IL1RAPL1: variants seen among roughly 807,000 people sequenced by gnomAD.
IL1RAPL1 encodes the protein interleukin 1 receptor accessory protein like 1.
A neutral mutation model predicts 48.4 loss-of-function variants in IL1RAPL1; 3 were observed. That is an observed-to-expected ratio of 0.06 (90% CI 0.03 to 0.16). IL1RAPL1 has a LOEUF of 0.16. IL1RAPL1 is among the 10% of genes least tolerant of loss of function. The pLI is 1.00. For synonymous variants in IL1RAPL1, 185 were observed against 187.7 expected (o/e 0.99, Z 0.12); for missense variants, 349 against 530.6 (o/e 0.66, Z 3.36).
chrX:29,118,749 A>G (rs894329448), intron 2 of IL1RAPL1, among the ~76,000 whole-genome samples: 2 of 111,521 alleles, frequency 1.8e-5, no homozygotes, highest in Non-Finnish European at 3.8e-5. Flanking sequence ...TAGTGGCATT[A>G]TTTGAGAGGT....
At chrX:28,827,511 A>T (rs867845996) in intron 2 of IL1RAPL1, among the ~76,000 whole-genome samples, 13 of 111,698 alleles carry the variant, frequency 1.2e-4, no homozygotes, top group Middle Eastern at 4.7e-3. Flanking sequence ...TTATTTTTTA[A>T]TTCATAAAAA....
intron 3 of IL1RAPL1, among the ~76,000 whole-genome samples, chrX:29,290,516 G>T (rs750598801): frequency 8.9e-6 from 1 of 112,454 alleles, no homozygotes; most frequent in African/African-American, 3.2e-5. Flanking sequence ...TCCAGTTTAT[G>T]TTTACTTTCT....
chrX:29,233,493 G>A (rs1316441586), intron 2 of IL1RAPL1, among the ~76,000 whole-genome samples: 1 of 110,863 alleles, frequency 9.0e-6, no homozygotes, highest in Non-Finnish European at 1.9e-5. Context: ...GTTTCCTGTT[G>A]GTTCTACCTC....
intron 3 of IL1RAPL1, among the ~76,000 whole-genome samples, chrX:29,297,077 CA>C (rs1932460920): frequency 1.8e-5 from 2 of 111,439 alleles, no homozygotes; most frequent in South Asian, 7.5e-4. Context: ...ATGAAGGTCC[CA>C]AAAGACTGTT....
At chrX:29,197,522 T>G (rs1043771920) in intron 2 of IL1RAPL1, among the ~76,000 whole-genome samples, 3 of 111,793 alleles carry the variant, frequency 2.7e-5, no homozygotes, top group Non-Finnish European at 5.6e-5. Flanking sequence ...TGCCTATACT[T>G]CCTTCATTCT....
In IL1RAPL1 at chrX:28,737,205, C is replaced by CTT. The variant is rs1555918044; in HGVS notation, c.-24-52114_-24-52113insTT. 8.3e-3 allele frequency among the ~76,000 whole-genome samples: 418 copies of CTT among 50,143 alleles called. 5 individuals carry two copies. The highest frequency in any genetic ancestry group is 0.02 in the Middle Eastern group (2 of 99). The allele number at this position is 50,143 out of a possible 115,157, so 43.5% of individuals were successfully genotyped here. ...TTCTTTCCTTTCTCTTTCTTTCTTT[C>CTT]TCTTTCTTTCTTTCTTTCTTTCTTT... On this transcript the variant is annotated intron_variant, in intron 1 of 10. Coordinates refer to ENST00000378993, the MANE Select transcript of IL1RAPL1 (RefSeq NM_014271.4).
chrX:29,160,228 T>C (rs1225948439), intron 2 of IL1RAPL1, among the ~76,000 whole-genome samples: 1 of 112,174 alleles, frequency 8.9e-6, no homozygotes, highest in African/African-American at 3.2e-5. Context: ...AGTACTATCA[T>C]TGTAGAGTAG....
intron 3 of IL1RAPL1, among the ~76,000 whole-genome samples, chrX:29,316,826 G>T (rs893901046): frequency 8.9e-6 from 1 of 111,903 alleles, no homozygotes; most frequent in Non-Finnish European, 1.9e-5. Flanking sequence ...ACCCTTGTCT[G>T]ACATGGCCTT....
At chrX:29,449,764 CACACACACACACACACAG>C (rs1226423756) in intron 5 of IL1RAPL1, among the ~76,000 whole-genome samples, 3 of 71,471 alleles carry the variant, frequency 4.2e-5, no homozygotes, top group Non-Finnish European at 2.5e-5. Context: ...CACACACACA[CACACACACACACACACAG>C]AGAGAGAGAG....
chrX:28,887,650 G>A (rs752832361), intron 2 of IL1RAPL1, among the ~76,000 whole-genome samples: 3 of 111,338 alleles, frequency 2.7e-5, no homozygotes, highest in Non-Finnish European at 5.7e-5. Context: ...GCAATATATA[G>A]TATTGTTTTA....
Position 28,730,916 on chromosome X carries a change from C to T in IL1RAPL1, c.-24-58404C>T, listed in dbSNP as rs770522118. ...TAATTAATGAATGTGCCAGACTCTA[C>T]GCATTGGTTTAAGTGTAATTGATCT... On this transcript the variant is annotated intron_variant, in intron 1 of 10. Coordinates refer to ENST00000378993, the MANE Select transcript of IL1RAPL1 (RefSeq NM_014271.4). 8.1e-5 allele frequency among the ~76,000 whole-genome samples: 9 copies of T among 111,571 alleles called. 1 individual carries two copies. Among genetic ancestry groups the T allele is most frequent in the Middle Eastern group, 9.4e-3 (2 of 213 alleles).
intron 2 of IL1RAPL1, among the ~76,000 whole-genome samples, chrX:29,191,122 A>G (rs1930344600): frequency 8.9e-6 from 1 of 111,959 alleles, no homozygotes; most frequent in East Asian, 2.8e-4. Flanking sequence ...TCTAATATAT[A>G]TAGGTATATG....
intron 5 of IL1RAPL1, among the ~76,000 whole-genome samples, chrX:29,509,965 G>A (rs1340554984): frequency 8.9e-6 from 1 of 111,941 alleles, no homozygotes; most frequent in African/African-American, 3.2e-5. Flanking sequence ...ATCACTCATA[G>A]TAATTACTGT....
chrX:28,874,507 T>A (rs1922315664), intron 2 of IL1RAPL1, among the ~76,000 whole-genome samples: 1 of 112,279 alleles, frequency 8.9e-6, no homozygotes, highest in Non-Finnish European at 1.9e-5. Context: ...ATCAGTTATC[T>A]AGGAGACAAT....
At chrX:29,219,717 C>T (rs1930939121) in intron 2 of IL1RAPL1, among the ~76,000 whole-genome samples, 1 of 111,410 alleles carries the variant, frequency 9.0e-6, no homozygotes, top group Admixed American at 9.6e-5. Flanking sequence ...TAAGAACCAT[C>T]AGAGTTTCTC....
chrX:29,729,271 A>G (rs1462740184), intron 6 of IL1RAPL1, among the ~76,000 whole-genome samples: 2 of 110,543 alleles, frequency 1.8e-5, no homozygotes, highest in Non-Finnish European at 3.8e-5. Flanking sequence ...CCTGTCACCC[A>G]TTTTTCCCTC....
chrX:29,533,052 G>T (rs917110623), intron 5 of IL1RAPL1, among the ~76,000 whole-genome samples: 3 of 112,082 alleles, frequency 2.7e-5, no homozygotes, highest in African/African-American at 9.7e-5. Flanking sequence ...GGCAGAACTT[G>T]TCAGAACTCA....
chrX:28,966,294 C>T (rs749111670), intron 2 of IL1RAPL1, among the ~76,000 whole-genome samples: 9 of 111,947 alleles, frequency 8.0e-5, no homozygotes, highest in African/African-American at 2.9e-4. Context: ...GTATTACTCT[C>T]GTTCCTTTTA....
In IL1RAPL1 at chrX:28,759,248, AAATAAT is replaced by A. The variant is rs1396408095; in HGVS notation, c.-24-30064_-24-30059del. On this transcript the variant is annotated intron_variant, in intron 1 of 10. Transcript: ENST00000378993. ...AGTGAAACTCCATCTCAAAAAAAAA[AAATAAT>A]AATAATATACGTTGTCCTTATCCAA... Among the ~76,000 whole-genome samples, 19 of 109,875 alleles carry A rather than the reference AAATAAT, an allele frequency of 1.7e-4. 1 individual carries two copies. The East Asian group carries it at 5.4e-3, about 32-fold the overall frequency.
Sources: gnomAD v4.1 joint callset for allele counts (sites outside exome capture counted in the v4.1 genomes callset) on GRCh38, gnomAD v4.1.1 for gene constraint, MANE v1.5 for transcripts, NCBI Gene and HGNC (gene_info 2026-07-23, HGNC 2026-07-21) for gene names.